BACE2: variants seen among roughly 807,000 people sequenced by gnomAD.
BACE2 encodes 56 kDa aspartic-like protease.
Under a neutral mutation model 46.2 loss-of-function variants are expected in BACE2, and 17 were observed. The observed-to-expected ratio is 0.37, with a 90% CI of 0.25 to 0.55. The LOEUF is 0.55. Among genes scored for constraint, BACE2 ranks in the 20% least tolerant of loss-of-function variants. The pLI, the probability that BACE2 is intolerant of heterozygous loss-of-function variation, is 0.82. For synonymous variants in BACE2, 277 were observed against 295.9 expected (o/e 0.94, Z 0.66); for missense variants, 595 against 698.1 (o/e 0.85, Z 1.66).
intron 1 of BACE2, among the ~76,000 whole-genome samples, chr21:41,201,945 G>T (rs182360082): frequency 5.3e-5 from 8 of 152,318 alleles, no homozygotes; most frequent in Admixed American, 2.0e-4. Context: ...AACTTTGGTT[G>T]AATGCTAACC....
chr21:41,203,722 C>T (rs889975526), intron 1 of BACE2, among the ~76,000 whole-genome samples: 6 of 151,830 alleles, frequency 4.0e-5, no homozygotes, highest in South Asian at 2.1e-4. Flanking sequence ...CCAGCACAGG[C>T]GCTGGGACAC....
chr21:41,272,517 A>G (rs932068301), intron 8 of BACE2, among the ~76,000 whole-genome samples: 1 of 146,328 alleles, frequency 6.8e-6, no homozygotes, highest in Non-Finnish European at 1.5e-5. Flanking sequence ...CTTCATTTCT[A>G]TTGTTTTGGT....
chr21:41,271,448 G>A (rs2088433506), intron 8 of BACE2, among the ~76,000 whole-genome samples: 1 of 152,182 alleles, frequency 6.6e-6, no homozygotes, highest in South Asian at 2.1e-4. Flanking sequence ...TACGGAAAAA[G>A]TTTGCCAAAT....
intron 2 of BACE2, 46 bp downstream of exon 2, chr21:41,226,400 T>C (rs1387078753): frequency 6.6e-7 from 1 of 1,511,540 alleles, no homozygotes. Context: ...GGGCACTGCA[T>C]GATCAACATG....
chr21:41,172,144 C>G (rs1984629332), intron 1 of BACE2, among the ~76,000 whole-genome samples: 1 of 152,202 alleles, frequency 6.6e-6, no homozygotes, highest in Non-Finnish European at 1.5e-5. Context: ...AAAACAATTA[C>G]TGAGGTTGAA....
chr21:41,232,672 A>T (rs188523189), intron 2 of BACE2, among the ~76,000 whole-genome samples: 1 of 152,020 alleles, frequency 6.6e-6, no homozygotes, highest in Admixed American at 6.6e-5. Flanking sequence ...AGCTCTCACC[A>T]TGTAATGTAC....
At position 41,277,096 on chromosome 21, in the gene BACE2, G is replaced by T. The variant is rs1023016526; in HGVS notation, c.*1472G>T. ...TTCCCTTTGCATTTTTTTGGGGTGG[G>T]TTGGCTATATTACAGAATTCCACCA... On this transcript the variant is annotated 3_prime_UTR_variant, in exon 9 of 9. Coordinates refer to ENST00000330333, the MANE Select transcript of BACE2 (RefSeq NM_012105.5). The T allele has an allele frequency of 6.6e-6, 1 of 151,850 alleles. No individual in the cohort carries two copies. Among genetic ancestry groups the T allele is most frequent in the African/African-American group, 2.4e-5 (1 of 41,306 alleles). The allele number at this position is 151,850 out of a possible 1,614,324, so 9.4% of individuals were successfully genotyped here.
At chr21:41,175,416 C>T (rs935897613) in intron 1 of BACE2, 16 of 152,256 alleles carry the variant, frequency 1.1e-4, no homozygotes, top group African/African-American at 2.7e-4. Flanking sequence ...ATCTGTTTCA[C>T]GCTAGGCTGA....
chr21:41,229,842 C>G (rs1986924187), intron 2 of BACE2, among the ~76,000 whole-genome samples: 1 of 152,202 alleles, frequency 6.6e-6, no homozygotes, highest in Non-Finnish European at 1.5e-5. Context: ...CTGGGATCAT[C>G]CAGAACTCAT....
At position 41,279,161 on chromosome 21, in the gene BACE2, C is replaced by G. The variant is rs143313004; in HGVS notation, c.*3537C>G. On this transcript the variant is annotated 3_prime_UTR_variant, in exon 9 of 9. Coordinates refer to ENST00000330333, the MANE Select transcript of BACE2 (RefSeq NM_012105.5). The stretch of plus-strand genomic sequence containing the variant: ...AGTTATTGTGTATGTCTCTAGGGAG[C>G]TTTAAGAATTTCACGTTTGAACTTT... 1 of 151,842 alleles carries G rather than the reference C, an allele frequency of 6.6e-6. No homozygotes were observed. The highest frequency in any genetic ancestry group is 1.9e-4 in the East Asian group (1 of 5,146). The allele number at this position is 151,842 out of a possible 1,614,324, so 9.4% of individuals were successfully genotyped here. A position where few individuals can be genotyped will look rare whatever the true frequency, so the allele number is the denominator to read the frequency against.
intron 4 of BACE2, among the ~76,000 whole-genome samples, chr21:41,242,870 G>A (rs181437250): frequency 3.9e-4 from 60 of 152,202 alleles, no homozygotes; most frequent in African/African-American, 1.2e-3. Context: ...CTTTGCAGAC[G>A]TGGACCCATA....
chr21:41,234,295 C>T (rs9979067), intron 2 of BACE2, among the ~76,000 whole-genome samples: 62,264 of 152,076 alleles, frequency 0.41, 15,913 homozygotes, highest in African/African-American at 0.73. Flanking sequence ...AAACTTCTTT[C>T]TCTTTATAAA....
chr21:41,193,460 GT>G lies in BACE2; in HGVS notation c.312+24887del, dbSNP rs1985642137. 6.6e-6 allele frequency among the ~76,000 whole-genome samples: 1 copy of G among 152,342 alleles called. No homozygotes were observed. The highest frequency in any genetic ancestry group is 1.5e-5 in the Non-Finnish European group (1 of 68,022). ...TCTTCTGCACAGGCCAGATGGGAGA[GT>G]TGAATGGGGATGTGGTGGGAATCAC... On this transcript the variant is annotated intron_variant, in intron 1 of 8. Coordinates refer to ENST00000330333, the MANE Select transcript of BACE2 (RefSeq NM_012105.5). The surrounding 1 kb of genome is among the most constrained non-coding windows in gnomAD (Gnocchi z 4.2).
At chr21:41,216,767 C>T (rs547800240) in intron 1 of BACE2, among the ~76,000 whole-genome samples, 6 of 152,306 alleles carry the variant, frequency 3.9e-5, no homozygotes, top group African/African-American at 1.4e-4. Flanking sequence ...TCGCAGTCAG[C>T]GCGGACGTGC....
At chr21:41,237,422 G>C (rs977845637) in intron 2 of BACE2, 91 bp from the exon 3 acceptor site, 10 of 970,130 alleles carry the variant, frequency 1.0e-5, no homozygotes, top group Non-Finnish European at 1.4e-5. Flanking sequence ...CTCCAGCCTG[G>C]GTGACAGAGC....
At chr21:41,217,175 C>G (rs565517783) in intron 1 of BACE2, among the ~76,000 whole-genome samples, 1 of 152,150 alleles carries the variant, frequency 6.6e-6, no homozygotes, top group South Asian at 2.1e-4. Flanking sequence ...GTGATCTGCC[C>G]GCCTCGGCCT....
intron 1 of BACE2, among the ~76,000 whole-genome samples, chr21:41,174,074 C>G (rs1027625224): frequency 2.0e-5 from 3 of 150,242 alleles, no homozygotes; most frequent in African/African-American, 7.4e-5. Flanking sequence ...CCTTGCCTGC[C>G]CATTTTTCCT....
chr21:41,250,611 C>A, intron 6 of BACE2, 141 bp from the exon 7 acceptor site: 1 of 718,104 alleles, frequency 1.4e-6, no homozygotes, highest in Non-Finnish European at 2.4e-6. Flanking sequence ...TTCCAGGGGA[C>A]TAATGTCCCT....
chr21:41,170,097 A>G (rs1232678338), intron 1 of BACE2, among the ~76,000 whole-genome samples: 1 of 152,168 alleles, frequency 6.6e-6, no homozygotes, highest in African/African-American at 2.4e-5. Context: ...CTCTCTACTA[A>G]AAGTAAATGT....
Sources: gnomAD v4.1 joint callset for allele counts (sites outside exome capture counted in the v4.1 genomes callset) on GRCh38, gnomAD v4.1.1 for gene constraint, Gnocchi (gnomAD v3.1) non-coding constraint, MANE v1.5 for transcripts, NCBI Gene and HGNC (gene_info 2026-07-23, HGNC 2026-07-21) for gene names.